Variants in BTNL8 observed in about 807,000 individuals in gnomAD.
BTNL8 encodes butyrophilin-like protein 8.
In BTNL8, 22 loss-of-function variants were observed where a neutral mutation model predicts 36.1. The ratio of observed to expected loss-of-function variants is 0.61; its 90% CI spans 0.44 to 0.87. The LOEUF (loss-of-function observed/expected upper bound fraction) is 0.87. Ranked by LOEUF, BTNL8 falls within the 40% of genes least tolerant of loss-of-function variation. The pLI, the probability that BTNL8 is intolerant of heterozygous loss-of-function variation, is 0.00. For synonymous variants in BTNL8, 203 were observed against 235.6 expected, an observed-to-expected ratio of 0.86 and a Z score of 1.27; for missense variants, 526 against 616.9, an observed-to-expected ratio of 0.85 and a Z score of 1.56.
At chr5:180,932,768 TTAAAAA>T (rs1758457609) in intron 3 of BTNL8, among the ~76,000 whole-genome samples, 1 of 152,022 alleles carries the variant, frequency 6.6e-6, no homozygotes, top group African/African-American at 2.4e-5. Context: ...CAGAGAAGAA[TTAAAAA>T]TAAAAGATCT....
At chr5:180,934,944 A>G (rs1015249600) in intron 3 of BTNL8, among the ~76,000 whole-genome samples, 8 of 113,590 alleles carry the variant, frequency 7.0e-5, no homozygotes. Flanking sequence ...AGACAACTGG[A>G]GGGTAAGGCA....
rs749688648 is a variant in BTNL8, at chr5:180,911,369, C to T, written c.428C>T (p.Thr143Met). The change falls in exon 3 of 8, where the codon ACG (threonine) becomes ATG (methionine). Residue 143 changes from threonine to methionine, a missense_variant. Around this residue, in one of 2 missense-constraint regions of BTNL8, gnomAD observed 350 missense variants for 324.6 expected, o/e 1.08. Coordinates refer to ENST00000340184, the MANE Select transcript of BTNL8 (RefSeq NM_001040462.3). ...ALGSVPLISI[T>M]GYVDRDIQLL... The stretch of plus-strand genomic sequence containing the variant: ...GGCTCAGTTCCTCTCATTTCCATCA[C>T]GGGATATGTTGATAGAGACATCCAG... 52 of 1,613,978 alleles carry T rather than the reference C, an allele frequency of 3.2e-5. No individual in the cohort carries two copies. In the Middle Eastern group the frequency reaches 4.9e-4, roughly 15 times the overall value.
At chr5:180,915,138 A>G (rs1280768761) in intron 3 of BTNL8, among the ~76,000 whole-genome samples, 1 of 152,212 alleles carries the variant, frequency 6.6e-6, no homozygotes, top group Admixed American at 6.5e-5. Flanking sequence ...AACAAGCAGC[A>G]GAACCTACTG....
At chr5:180,940,506 A>T (rs1758876831) in intron 3 of BTNL8, among the ~76,000 whole-genome samples, 1 of 152,178 alleles carries the variant, frequency 6.6e-6, no homozygotes, top group African/African-American at 2.4e-5. Context: ...TAGAAGGGCA[A>T]GAAGAAACAA....
intron 3 of BTNL8, among the ~76,000 whole-genome samples, chr5:180,918,674 G>C (rs1396536021): frequency 1.3e-5 from 2 of 152,230 alleles, no homozygotes; most frequent in Non-Finnish European, 1.5e-5. Context: ...TTGATTTTAT[G>C]TTTTAAGGGG....
intron 3 of BTNL8, among the ~76,000 whole-genome samples, chr5:180,921,974 T>A (rs1257879172): frequency 6.6e-6 from 1 of 152,242 alleles, no homozygotes; most frequent in East Asian, 1.9e-4. Flanking sequence ...ATTTCTAGTT[T>A]GTGTGAATAG....
intron 2 of BTNL8, 125 bp from the exon 3 acceptor site, chr5:180,911,214 G>A: frequency 7.0e-7 from 1 of 1,432,510 alleles, no homozygotes; most frequent in Non-Finnish European, 9.5e-7. Flanking sequence ...CAAAGGTCGT[G>A]GTTTTAGTGT....
intron 3 of BTNL8, among the ~76,000 whole-genome samples, chr5:180,919,566 AG>A (rs1249458136): frequency 6.6e-6 from 1 of 152,254 alleles, no homozygotes; most frequent in Non-Finnish European, 1.5e-5. Flanking sequence ...TGGGCAAAAA[AG>A]AAAATTAATA....
chr5:180,950,238 C>T lies in BTNL8; in HGVS notation c.1197C>T (p.Phe399=), dbSNP rs1342754376. ...FTLNPRFISV[F]PRTPPTKIGV... ...TAAATCCCCGTTTTATCAGCGTCTT[C>T]CCCAGGACCCCACCTACAAAAATAG... The change falls in exon 8 of 8, where the codon TTC becomes TTT. Residue 399 remains phenylalanine, a synonymous_variant. Coordinates refer to ENST00000340184, the MANE Select transcript of BTNL8 (RefSeq NM_001040462.3). 6.8e-7 allele frequency: 1 copy of T among 1,463,448 alleles called. No individual in the cohort carries two copies. The highest frequency in any genetic ancestry group is 1.1e-5 in the South Asian group (1 of 89,278). 90.7% of individuals were successfully genotyped at this position (1,463,448 alleles called of 1,614,324 possible). A position where few individuals can be genotyped will look rare whatever the true frequency, so the allele number is the denominator to read the frequency against.
Position 180,950,608 on chromosome 5 carries a change from C to T in BTNL8, c.*64C>T, listed in dbSNP as rs1220002202. 17 of 1,407,988 alleles carry T rather than the reference C, an allele frequency of 1.2e-5. 2 individuals are homozygous for T. The Middle Eastern group carries it at 7.1e-4, about 59-fold the overall frequency. The allele number at this position is 1,407,988 out of a possible 1,614,324, so 87.2% of individuals were successfully genotyped here. A position where few individuals can be genotyped will look rare whatever the true frequency, so the allele number is the denominator to read the frequency against. ...GGTCTCTCTCCCAGATCCAAAGTCC[C>T]GCAGCAGCCGGCCAAGGTGGCTTCC... On this transcript the variant is annotated 3_prime_UTR_variant, in exon 8 of 8. Transcript: ENST00000340184.
Position 180,950,646 on chromosome 5 carries a change from AC to A in BTNL8, c.*103del. 1 of 1,212,294 alleles carries A rather than the reference AC, an allele frequency of 8.2e-7. No individual in the cohort carries two copies. The highest frequency in any genetic ancestry group is 1.1e-6 in the Non-Finnish European group (1 of 870,236). The allele number at this position is 1,212,294 out of a possible 1,614,324, so 75.1% of individuals were successfully genotyped here. On this transcript the variant is annotated 3_prime_UTR_variant, in exon 8 of 8. Transcript: ENST00000340184. ...CAAGGTGGCTTCCAGATGAAGGGGG[AC>A]TGGCCTGTCCACATGGGAGTCAGGT... is the stretch of plus-strand genomic sequence containing the variant.
At chr5:180,936,729 A>C (rs1758667644) in intron 3 of BTNL8, among the ~76,000 whole-genome samples, 1 of 152,058 alleles carries the variant, frequency 6.6e-6, no homozygotes, top group African/African-American at 2.4e-5. Flanking sequence ...GCCACTGGCC[A>C]CTCCATCCCC....
At chr5:180,902,323 A>G in intron 1 of BTNL8, 1 of 1,542,346 alleles carries the variant, frequency 6.5e-7, no homozygotes, top group Non-Finnish European at 8.8e-7. Context: ...AAATAAAAAC[A>G]TTAATAATAC....
chr5:180,930,648 C>T (rs927596143), intron 3 of BTNL8, among the ~76,000 whole-genome samples: 5 of 152,142 alleles, frequency 3.3e-5, no homozygotes, highest in Admixed American at 6.6e-5. Context: ...AAATCACAAG[C>T]ATTTCTATAC....
At chr5:180,902,489 G>T in intron 1 of BTNL8, 1 of 1,339,296 alleles carries the variant, frequency 7.5e-7, no homozygotes, top group South Asian at 1.3e-5. Context: ...CAGCCCAATG[G>T]AGCCCTGAGT....
In BTNL8 at chr5:180,911,571, T is replaced by C. The variant is rs1561931070; in HGVS notation, c.630T>C (p.His210=). Residue 210 remains histidine (H), a synonymous_variant, in exon 3 of 8, where the codon CAT becomes CAC. Transcript: ENST00000340184. ...NAGSISCSMR[H]AHLSREVESR... ...GGAGCATATCCTGTTCCATGCGGCA[T>C]GCTCATCTGAGCCGAGAGGTGGAAT... The C allele has an allele frequency of 1.2e-6, 2 of 1,613,962 alleles. No homozygotes were observed. The highest frequency in any genetic ancestry group is 2.2e-5 in the East Asian group (1 of 44,870).
chr5:180,923,370 T>G (rs1238247518), intron 3 of BTNL8, among the ~76,000 whole-genome samples: 2 of 152,136 alleles, frequency 1.3e-5, no homozygotes, highest in Non-Finnish European at 2.9e-5. Flanking sequence ...ATTACCTTAA[T>G]AAGTTAAAGG....
chr5:180,915,414 C>T (rs1318588024), intron 3 of BTNL8, among the ~76,000 whole-genome samples: 1 of 152,190 alleles, frequency 6.6e-6, no homozygotes, highest in Non-Finnish European at 1.5e-5. Context: ...TAGGGAATTG[C>T]CCTAGGGATA....
At position 180,906,814 on chromosome 5, in the gene BTNL8, T is replaced by C. The variant is rs1757103694; in HGVS notation, c.50-1772T>C. Among the ~76,000 whole-genome samples, 2 of 106,226 alleles carry C rather than the reference T, an allele frequency of 1.9e-5. 1 individual carries two copies. Among genetic ancestry groups the C allele is most frequent in the Non-Finnish European group, 3.6e-5 (2 of 56,056 alleles). 69.7% of individuals were successfully genotyped at this position (106,226 alleles called of 152,430 possible). A position where few individuals can be genotyped will look rare whatever the true frequency, so the allele number is the denominator to read the frequency against. On this transcript the variant is annotated intron_variant, in intron 1 of 7. Transcript: ENST00000340184. ...TTTGGCTGGATATGAAGTTCTGGGTTGAAAATTCTTTTCTTTAAGAATGTT... is the reference window on the plus strand; with the variant it reads ...TTTGGCTGGATATGAAGTTCTGGGTCGAAAATTCTTTTCTTTAAGAATGTT...
Sources: gnomAD v4.1 joint callset for allele counts (sites outside exome capture counted in the v4.1 genomes callset) on GRCh38, gnomAD v4.1.1 for gene constraint, gnomAD v4.1.1 regional missense constraint, MANE v1.5 for transcripts, NCBI Gene and HGNC (gene_info 2026-07-23, HGNC 2026-07-21) for gene names.